Variants in FYN observed in about 807,000 individuals in gnomAD.
FYN encodes tyrosine-protein kinase Fyn.
FYN carries 10 observed loss-of-function variants against 70.2 expected under a neutral mutation model. The observed-to-expected ratio is 0.14, with a 90% CI of 0.09 to 0.24. FYN has a LOEUF of 0.24. Among genes scored for constraint, FYN ranks in the 10% least tolerant of loss-of-function variants. FYN has a pLI of 1.00. For missense variants in FYN, 319 were observed against 673.1 expected (o/e 0.47, Z 5.82); for synonymous variants, 236 against 248.6 (o/e 0.95, Z 0.48).
In FYN at chr6:111,800,303, C is replaced by T. The variant is rs552468989; in HGVS notation, c.-81-19668G>A. 7.2e-5 allele frequency among the ~76,000 whole-genome samples: 11 copies of T among 152,158 alleles called. No homozygotes were observed. In the South Asian group the frequency reaches 1.2e-3, roughly 17 times the overall value. Reference sequence around the variant, plus strand: ...TTTTCTTTCAAGTAATAACACGGTACCCCAGAAGAGCTGAAAATGAGGCAC... The same window carrying T: ...TTTTCTTTCAAGTAATAACACGGTATCCCAGAAGAGCTGAAAATGAGGCAC... On this transcript the variant is annotated intron_variant, in intron 2 of 13. Coordinates refer to ENST00000354650, the MANE Select transcript of FYN (RefSeq NM_002037.5).
chr6:111,697,742 A>G (rs1426703421), intron 9 of FYN, among the ~76,000 whole-genome samples: 1 of 152,218 alleles, frequency 6.6e-6, no homozygotes, highest in African/African-American at 2.4e-5. Context: ...ATCCATCCCA[A>G]TTCTGATGGG....
At chr6:111,698,238 A>C (rs536400227) in intron 9 of FYN, among the ~76,000 whole-genome samples, 2 of 152,104 alleles carry the variant, frequency 1.3e-5, no homozygotes, top group Non-Finnish European at 2.9e-5. Flanking sequence ...GGTTCAAGTG[A>C]TTCTCCTGCC....
intron 3 of FYN, among the ~76,000 whole-genome samples, chr6:111,778,688 G>A (rs971948406): frequency 2.6e-5 from 4 of 151,714 alleles, no homozygotes; most frequent in African/African-American, 9.7e-5. Context: ...TAGAGATGGG[G>A]TTTTATCATG....
chr6:111,803,044 C>T (rs573015008), intron 2 of FYN, among the ~76,000 whole-genome samples: 4 of 152,248 alleles, frequency 2.6e-5, no homozygotes, highest in African/African-American at 9.6e-5. Flanking sequence ...AGCTGTTTAC[C>T]CACTTTTCTT....
rs773954660 is a variant in FYN at position 111,687,604 on chromosome 6, G to GT, written c.1273+6770_1273+6771insA. Among the ~76,000 whole-genome samples, 252 of 145,512 alleles carry GT rather than the reference G, an allele frequency of 1.7e-3. 1 individual carries two copies. The highest frequency in any genetic ancestry group is 2.9e-3 in the Non-Finnish European group (193 of 66,638). On this transcript the variant is annotated intron_variant, in intron 12 of 13. Coordinates refer to ENST00000354650, the MANE Select transcript of FYN (RefSeq NM_002037.5). ...CAGGAAAACCCAAAGTGGGGTGGGT[G>GT]GGTGTGTGTGTGTGTGTGTGTGTGT...
At chr6:111,778,191 T>TAGC (rs1771025574) in intron 3 of FYN, among the ~76,000 whole-genome samples, 1 of 151,990 alleles carries the variant, frequency 6.6e-6, no homozygotes, top group South Asian at 2.1e-4. Context: ...TGGGGAGGGA[T>TAGC]ATGAAAATAG....
At chr6:111,668,533 G>C in intron 13 of FYN, among the ~76,000 whole-genome samples, 1 of 151,598 alleles carries the variant, frequency 6.6e-6, no homozygotes, top group Non-Finnish European at 1.5e-5. Context: ...GAAAAAGAGA[G>C]GCAGGGTGCC....
chr6:111,873,444 T>A lies in FYN; in HGVS notation c.-599A>T, dbSNP rs1016331001. The A allele has an allele frequency of 3.3e-5, 5 of 151,840 alleles. No individual in the cohort carries two copies. Among genetic ancestry groups the A allele is most frequent in the African/African-American group, 1.2e-4 (5 of 41,320 alleles). The allele number at this position is 151,840 out of a possible 1,614,324, so 9.4% of individuals were successfully genotyped here. A position where few individuals can be genotyped will look rare whatever the true frequency, so the allele number is the denominator to read the frequency against. On this transcript the variant is annotated 5_prime_UTR_variant, in exon 1 of 14. Transcript: ENST00000354650. ...CGCGGCTGCTCGCTGCTACTCTTGC[T>A]GATGCTCTGCCCCTCCAGCTCCGGA...
intron 2 of FYN, among the ~76,000 whole-genome samples, chr6:111,841,768 AG>A (rs1334644103): frequency 6.6e-6 from 1 of 151,792 alleles, no homozygotes; most frequent in Non-Finnish European, 1.5e-5. Context: ...TAGAATGTCT[AG>A]GAAGAGGGAT....
At chr6:111,676,652 A>G (rs1236976557) in intron 12 of FYN, 1 of 152,272 alleles carries the variant, frequency 6.6e-6, no homozygotes, top group African/African-American at 2.4e-5. Context: ...AATTAAAGGT[A>G]TACTACATTC....
chr6:111,847,166 G>T (rs775759775), intron 1 of FYN, among the ~76,000 whole-genome samples: 3 of 152,206 alleles, frequency 2.0e-5, no homozygotes, highest in Non-Finnish European at 4.4e-5. Context: ...GTTCCCCTCT[G>T]CAGGAGGTTT....
At chr6:111,705,947 C>G (rs1200591291) in intron 6 of FYN, among the ~76,000 whole-genome samples, 1 of 152,108 alleles carries the variant, frequency 6.6e-6, no homozygotes, top group Non-Finnish European at 1.5e-5. Flanking sequence ...CACGGTGGAC[C>G]CTGTACATCT....
At chr6:111,853,693 AC>A (rs1451190966) in intron 1 of FYN, among the ~76,000 whole-genome samples, 2 of 152,140 alleles carry the variant, frequency 1.3e-5, no homozygotes, top group Admixed American at 6.5e-5. Flanking sequence ...ATCATAGTTC[AC>A]TGCAGCTTTG....
rs185958433 is a variant in FYN, at chr6:111,715,940, G to A, written c.248-1497C>T. ...TTATGTCATCACTACAAGTGTTCAA[G>A]TGTAAAGAAAACCAGTTTTGAAACT... On this transcript the variant is annotated intron_variant, in intron 4 of 13. Transcript: ENST00000354650. Among the ~76,000 whole-genome samples, 301 of 152,314 alleles carry A rather than the reference G, an allele frequency of 2.0e-3. 2 individuals are homozygous for A. The highest frequency in any genetic ancestry group is 1.5e-3 in the Non-Finnish European group (103 of 68,028).
chr6:111,777,101 A>C (rs1770974819), intron 3 of FYN, among the ~76,000 whole-genome samples: 1 of 152,206 alleles, frequency 6.6e-6, no homozygotes, highest in Non-Finnish European at 1.5e-5. Flanking sequence ...TTAAAATTTA[A>C]AATACGAGAC....
rs943244802 is a variant in FYN at position 111,702,879 on chromosome 6, G to C, written c.697+6C>G. The stretch of plus-strand genomic sequence containing the variant: ...ATGGTTAGTAGGTAGTTAGAATTAA[G>C]GTTACCTGAGTAATGTTGTACAAGC... On this transcript the variant is annotated splice_donor_region_variant and intron_variant, in intron 8 of 13. Coordinates refer to ENST00000354650, the MANE Select transcript of FYN (RefSeq NM_002037.5). 5.0e-6 allele frequency: 8 copies of C among 1,613,394 alleles called. No individual in the cohort carries two copies. The highest frequency in any genetic ancestry group is 6.8e-6 in the Non-Finnish European group (8 of 1,179,624).
At chr6:111,856,552 CAT>C (rs1773828600) in intron 1 of FYN, among the ~76,000 whole-genome samples, 1 of 151,844 alleles carries the variant, frequency 6.6e-6, no homozygotes, top group Non-Finnish European at 1.5e-5. Flanking sequence ...TCTATATGGA[CAT>C]ATGTTTTTAA....
chr6:111,841,991 A>G (rs1203293310), intron 2 of FYN, among the ~76,000 whole-genome samples: 1 of 92,306 alleles, frequency 1.1e-5, no homozygotes, highest in Non-Finnish European at 2.0e-5. Flanking sequence ...CCTCCTAAAC[A>G]CACACACACA....
intron 9 of FYN, chr6:111,699,490 A>G: frequency 6.2e-7 from 1 of 1,604,706 alleles, no homozygotes; most frequent in Middle Eastern, 1.7e-4. Flanking sequence ...GATGCAGCCA[A>G]AACAAAATGT....
Sources: allele counts gnomAD v4.1 joint callset (sites outside exome capture counted in the v4.1 genomes callset), GRCh38; gene constraint gnomAD v4.1.1; transcripts MANE v1.5; gene names NCBI Gene and HGNC (gene_info 2026-07-23, HGNC 2026-07-21).